The following MKNK1 variants were observed in gnomAD, a reference collection of about 807,000 sequenced individuals.
MKNK1 encodes the protein MAPK interacting serine/threonine kinase 1.
Under a neutral mutation model 49.3 loss-of-function variants are expected in MKNK1, and 30 were observed. The observed-to-expected ratio is 0.61, with a 90% confidence interval of 0.46 to 0.83. The LOEUF (loss-of-function observed/expected upper bound fraction) is 0.83, where lower values mean the gene tolerates loss of function less well. Ranked by LOEUF, MKNK1 falls within the 40% of genes least tolerant of loss-of-function variation. MKNK1 has a pLI of 0.00. For synonymous variants in MKNK1, 176 were observed against 201.7 expected, an observed-to-expected ratio of 0.87 and a Z score of 1.08; for missense variants, 423 against 524.7, an observed-to-expected ratio of 0.81 and a Z score of 1.89.
chr1:46,598,291 T>C (rs1674329183), intron 1 of MKNK1, among the ~76,000 whole-genome samples: 1 of 152,236 alleles, frequency 6.6e-6, no homozygotes, highest in South Asian at 2.1e-4. Context: ...GCTCTGTTCC[T>C]GTTTACTGTG....
intron 2 of MKNK1, among the ~76,000 whole-genome samples, chr1:46,585,331 A>G (rs1391780172): frequency 1.3e-5 from 2 of 149,944 alleles, no homozygotes; most frequent in Non-Finnish European, 3.0e-5. Context: ...ACCCTCACCA[A>G]GGTAAATTAA....
At chr1:46,585,972 A>C in intron 2 of MKNK1, 1 of 1,353,338 alleles carries the variant, frequency 7.4e-7, no homozygotes, top group Non-Finnish European at 9.9e-7. Flanking sequence ...GTTGTTTCTG[A>C]AACTAGGAAG....
chr1:46,563,136 C>T, intron 9 of MKNK1: 1 of 368,594 alleles, frequency 2.7e-6, no homozygotes, highest in Non-Finnish European at 4.8e-6. Flanking sequence ...TCTCCCCCTG[C>T]TTCAGCTTCC....
At position 46,572,077 on chromosome 1, in the gene MKNK1, A is replaced by G. The variant is rs1473814260; in HGVS notation, c.443T>C (p.Phe148Ser). 1.2e-6 allele frequency: 2 copies of G among 1,613,964 alleles called. No individual in the cohort carries two copies. The change falls in exon 7 of 13, where the codon TTC becomes TCC. Residue 148 changes from phenylalanine (F) to serine (S), a missense_variant. Coordinates refer to ENST00000371945, the MANE Select transcript of MKNK1 (RefSeq NM_001135553.4). ...GCTGGGTTCACCTTTGGTATGCAGGAAGTCAAGGGCAGCAGCAACGTCCCG... is the reference window on the plus strand; with the variant it reads ...GCTGGGTTCACCTTTGGTATGCAGGGAGTCAAGGGCAGCAGCAACGTCCCG... ...VVRDVAAALDFLHTKGIAHRD... is the reference protein window; with the variant it reads ...VVRDVAAALDSLHTKGIAHRD...
intron 12 of MKNK1, among the ~76,000 whole-genome samples, chr1:46,559,362 T>C (rs1667526558): frequency 6.6e-6 from 1 of 152,214 alleles, no homozygotes; most frequent in African/African-American, 2.4e-5. Flanking sequence ...GAATTGCGAT[T>C]ATGGAGGTGT....
intron 3 of MKNK1, among the ~76,000 whole-genome samples, chr1:46,580,959 C>T (rs1360766301): frequency 6.6e-6 from 1 of 152,206 alleles, no homozygotes; most frequent in Non-Finnish European, 1.5e-5. Flanking sequence ...CAGGGGCTTA[C>T]ACCTGTAATC....
intron 1 of MKNK1, among the ~76,000 whole-genome samples, chr1:46,595,877 A>C (rs1371502241): frequency 6.6e-6 from 1 of 152,166 alleles, no homozygotes; most frequent in Non-Finnish European, 1.5e-5. Flanking sequence ...TCAGCCTCCC[A>C]AGTAGCTGAA....
At chr1:46,577,748 A>G (rs1388014471) in intron 4 of MKNK1, among the ~76,000 whole-genome samples, 1 of 152,212 alleles carries the variant, frequency 6.6e-6, no homozygotes, top group Non-Finnish European at 1.5e-5. Flanking sequence ...GAAGGAACAG[A>G]TAAGCCAACA....
intron 8 of MKNK1, among the ~76,000 whole-genome samples, chr1:46,565,936 T>C (rs1668981552): frequency 6.6e-6 from 1 of 152,212 alleles, no homozygotes; most frequent in East Asian, 1.9e-4. Flanking sequence ...CTCTATTTTT[T>C]CTTCTTTTCT....
chr1:46,565,705 C>T (rs1036407389), intron 8 of MKNK1, among the ~76,000 whole-genome samples: 2 of 152,224 alleles, frequency 1.3e-5, no homozygotes, highest in Non-Finnish European at 2.9e-5. Context: ...TCCACCAGAA[C>T]TGGATGCTGT....
chr1:46,564,435 G>C (rs902051632), intron 9 of MKNK1, among the ~76,000 whole-genome samples: 3 of 149,240 alleles, frequency 2.0e-5, no homozygotes, highest in African/African-American at 7.4e-5. Context: ...CCTGGGTCAG[G>C]AGTCAGGGCT....
chr1:46,598,705 T>C (rs1266447259), intron 1 of MKNK1, among the ~76,000 whole-genome samples: 1 of 152,188 alleles, frequency 6.6e-6, no homozygotes, highest in East Asian at 1.9e-4. Flanking sequence ...GAAGATTAAA[T>C]AACTTGCCCA....
chr1:46,576,551 C>G lies in MKNK1; in HGVS notation c.278+24G>C, dbSNP rs768212144. On this transcript the variant is annotated intron_variant, in intron 5 of 12. Coordinates refer to ENST00000371945, the MANE Select transcript of MKNK1 (RefSeq NM_001135553.4). ...GTGGCCAAGCGTCCCCCCAGAGAAGCAGCGAGAATCACATGATACTCACTT... is the reference window on the plus strand; with the variant it reads ...GTGGCCAAGCGTCCCCCCAGAGAAGGAGCGAGAATCACATGATACTCACTT... 9 of 1,592,834 alleles carry G rather than the reference C, an allele frequency of 5.7e-6. No individual in the cohort carries two copies. In the Admixed American group the frequency reaches 6.7e-5, roughly 12 times the overall value.
intron 1 of MKNK1, among the ~76,000 whole-genome samples, chr1:46,601,610 C>T (rs1158753854): frequency 6.6e-6 from 1 of 152,204 alleles, no homozygotes; most frequent in Non-Finnish European, 1.5e-5. Flanking sequence ...CCTGCTTGTG[C>T]AGAATTCTTG....
chr1:46,587,098 C>T (rs899179198), intron 2 of MKNK1, among the ~76,000 whole-genome samples: 2 of 152,262 alleles, frequency 1.3e-5, no homozygotes, highest in African/African-American at 4.8e-5. Flanking sequence ...ACGTGAACCA[C>T]TGCGCCCAGC....
At chr1:46,581,106 G>A (rs906263700) in intron 3 of MKNK1, among the ~76,000 whole-genome samples, 1 of 151,970 alleles carries the variant, frequency 6.6e-6, no homozygotes, top group Non-Finnish European at 1.5e-5. Flanking sequence ...CAGTCCAGTG[G>A]GGAAGACAGA....
chr1:46,579,108 T>C (rs1671396487), intron 4 of MKNK1, among the ~76,000 whole-genome samples: 1 of 152,198 alleles, frequency 6.6e-6, no homozygotes, highest in Non-Finnish European at 1.5e-5. Flanking sequence ...TAATTTATAC[T>C]GAGCTGTTTC....
chr1:46,565,622 TC>T (rs1668924346), intron 8 of MKNK1, among the ~76,000 whole-genome samples: 1 of 152,204 alleles, frequency 6.6e-6, no homozygotes. Context: ...ACTCCTGCGT[TC>T]CAGGAAACCC....
In MKNK1 at chr1:46,560,226, G is replaced by T; in HGVS notation, c.1013+8C>A. The T allele has an allele frequency of 6.2e-7, 1 of 1,614,088 alleles. No homozygotes were observed. Among genetic ancestry groups the T allele is most frequent in the Non-Finnish European group, 8.5e-7 (1 of 1,179,948 alleles). ...AGAGCATGGCGTGGGGGTGGTCAGAGCATTTACCTCTGGAGGACTTGCGGC... is the reference window on the plus strand; with the variant it reads ...AGAGCATGGCGTGGGGGTGGTCAGATCATTTACCTCTGGAGGACTTGCGGC... On this transcript the variant is annotated splice_region_variant and intron_variant, in intron 12 of 12. Coordinates refer to ENST00000371945, the MANE Select transcript of MKNK1 (RefSeq NM_001135553.4).
Sources: allele counts gnomAD v4.1 joint callset (sites outside exome capture counted in the v4.1 genomes callset), GRCh38; gene constraint gnomAD v4.1.1; transcripts MANE v1.5; gene names NCBI Gene and HGNC (gene_info 2026-07-23, HGNC 2026-07-21).